SLC9A2: variants seen among roughly 807,000 people sequenced by gnomAD.
SLC9A2 encodes the protein solute carrier family 9 member A2.
Under a neutral mutation model 71.7 loss-of-function variants are expected in SLC9A2, and 42 were observed. That is an observed-to-expected ratio of 0.59 (90% confidence interval 0.46 to 0.76). The LOEUF (loss-of-function observed/expected upper bound fraction) is 0.76. Ranked by LOEUF, SLC9A2 falls within the 30% of genes least tolerant of loss-of-function variation. The pLI is 0.00. For missense variants in SLC9A2, 829 were observed against 1,017.4 expected (o/e 0.81, Z 2.52); for synonymous variants, 396 against 392.5 (o/e 1.01, Z -0.10).
At chr2:102,684,706 G>A (rs1007673767) in intron 5 of SLC9A2, among the ~76,000 whole-genome samples, 9 of 152,264 alleles carry the variant, frequency 5.9e-5, no homozygotes, top group Admixed American at 4.6e-4. Context: ...TGACTGCCTC[G>A]CGGTGACTCC....
chr2:102,684,285 A>G lies in SLC9A2; in HGVS notation c.1374A>G (p.Lys458=). ...CTGCTGCTGTGTTTCCTCGGAAAAA[A>G]TTGTTTATTACGGCTGCCATTGTTG... is the stretch of plus-strand genomic sequence containing the variant. ...LLPAAVFPRK[K]LFITAAIVVI... is the part of the protein sequence containing the mutation. The change falls in exon 5 of 12, where the codon AAA becomes AAG. Residue 458 remains lysine (K), a synonymous_variant. Coordinates refer to ENST00000233969, the MANE Select transcript of SLC9A2 (RefSeq NM_003048.6). The G allele has an allele frequency of 6.2e-7, 1 of 1,614,080 alleles. No individual in the cohort carries two copies. Among genetic ancestry groups the G allele is most frequent in the South Asian group, 1.1e-5 (1 of 91,066 alleles).
chr2:102,676,077 A>T (rs1677341017), intron 3 of SLC9A2, among the ~76,000 whole-genome samples: 1 of 152,236 alleles, frequency 6.6e-6, no homozygotes, highest in African/African-American at 2.4e-5. Flanking sequence ...AAGAACTTCC[A>T]GAAAGCAGCA....
At chr2:102,625,369 G>T (rs976017329) in intron 1 of SLC9A2, among the ~76,000 whole-genome samples, 3 of 151,956 alleles carry the variant, frequency 2.0e-5, no homozygotes, top group Non-Finnish European at 2.9e-5. Flanking sequence ...TGTGCACAAC[G>T]TGCAGGTTTG....
intron 5 of SLC9A2, among the ~76,000 whole-genome samples, chr2:102,692,527 A>G (rs888608284): frequency 1.3e-5 from 2 of 152,144 alleles, no homozygotes; most frequent in African/African-American, 4.8e-5. Flanking sequence ...AGTAGTGGCC[A>G]TCTGCCCACC....
intron 3 of SLC9A2, among the ~76,000 whole-genome samples, chr2:102,682,501 C>T (rs558036464): frequency 4.1e-4 from 62 of 152,250 alleles, no homozygotes; most frequent in African/African-American, 1.5e-3. Flanking sequence ...TGGAGCCCTT[C>T]CTTTTCTCCA....
At chr2:102,679,442 C>T (rs954020851) in intron 3 of SLC9A2, among the ~76,000 whole-genome samples, 3 of 150,814 alleles carry the variant, frequency 2.0e-5, no homozygotes, top group East Asian at 1.9e-4. Flanking sequence ...AGTGCAGTGG[C>T]GCGATCTCAG....
intron 7 of SLC9A2, among the ~76,000 whole-genome samples, chr2:102,700,197 C>T (rs1477279931): frequency 2.6e-5 from 4 of 152,088 alleles, no homozygotes; most frequent in Non-Finnish European, 4.4e-5. Context: ...TTGGGATGCC[C>T]CATAGATATC....
rs137906470 is a variant in SLC9A2, at chr2:102,620,079, C to T, written c.231C>T (p.His77=). Residue 77 remains histidine, a synonymous_variant, in exon 1 of 12, where the codon CAC becomes CAT. Coordinates refer to ENST00000233969, the MANE Select transcript of SLC9A2 (RefSeq NM_003048.6). ...RLPVFTLDYP[H]VQIPFEITLW... ...CTGTGTTTACGCTGGATTACCCCCA[C>T]GTGCAGATCCCCTTCGAGATCACCC... 1.2e-6 allele frequency: 2 copies of T among 1,613,794 alleles called. No homozygotes were observed. Among genetic ancestry groups the T allele is most frequent in the Non-Finnish European group, 1.7e-6 (2 of 1,179,916 alleles).
At chr2:102,680,922 C>T (rs1487442147) in intron 3 of SLC9A2, among the ~76,000 whole-genome samples, 1 of 151,982 alleles carries the variant, frequency 6.6e-6, no homozygotes, top group African/African-American at 2.4e-5. Context: ...GCAGGGGGGC[C>T]TCTAGAAACT....
At chr2:102,696,559 C>T (rs10173702) in intron 7 of SLC9A2, among the ~76,000 whole-genome samples, 120,471 of 152,084 alleles carry the variant, frequency 0.79, 47,853 homozygotes, top group Admixed American at 0.82. Flanking sequence ...TGTAGTATCA[C>T]AGACACAACA....
chr2:102,685,124 C>A (rs1244108383), intron 5 of SLC9A2, among the ~76,000 whole-genome samples: 1 of 152,184 alleles, frequency 6.6e-6, no homozygotes, highest in African/African-American at 2.4e-5. Flanking sequence ...TGAAAGGGAA[C>A]AGCGAGAAAA....
intron 1 of SLC9A2, among the ~76,000 whole-genome samples, chr2:102,651,316 C>A (rs1676829673): frequency 6.6e-6 from 1 of 152,214 alleles, no homozygotes. Context: ...AAATAACCAA[C>A]TTCTGTCCCA....
intron 1 of SLC9A2, among the ~76,000 whole-genome samples, chr2:102,653,330 TA>T (rs1676871501): frequency 6.6e-6 from 1 of 152,208 alleles, no homozygotes; most frequent in Non-Finnish European, 1.5e-5. Context: ...GAAACCATCT[TA>T]TTTTTTTCAA....
In SLC9A2 at chr2:102,689,711, G is replaced by T. The variant is rs538117091; in HGVS notation, c.1426-4703G>T. The T allele has an allele frequency of 9.2e-5, 14 of 152,282 alleles. No individual in the cohort carries two copies. In the South Asian group the frequency reaches 2.9e-3, roughly 32 times the overall value. 9.4% of individuals were successfully genotyped at this position (152,282 alleles called of 1,614,324 possible). ...GCTTTTTTAAGATGGAACAATGTAG[G>T]TGAAAAGTTTAGGATATGAGAAGAA... is the stretch of plus-strand genomic sequence containing the variant. On this transcript the variant is annotated intron_variant, in intron 5 of 11. Transcript: ENST00000233969.
chr2:102,677,835 T>A (rs1677370810), intron 3 of SLC9A2, among the ~76,000 whole-genome samples: 1 of 152,194 alleles, frequency 6.6e-6, no homozygotes, highest in Non-Finnish European at 1.5e-5. Flanking sequence ...TCCTAAGCAT[T>A]AAGTATAACA....
At chr2:102,671,296 C>G (rs1245372104) in intron 3 of SLC9A2, among the ~76,000 whole-genome samples, 4 of 152,146 alleles carry the variant, frequency 2.6e-5, no homozygotes, top group African/African-American at 7.2e-5. Flanking sequence ...TCACTGATAG[C>G]TCTGACTGGC....
At position 102,708,898 on chromosome 2, in the gene SLC9A2, A is replaced by G. The variant is rs1678042045; in HGVS notation, c.*409A>G. 1 of 174,662 alleles carries G rather than the reference A, an allele frequency of 5.7e-6. No individual in the cohort carries two copies. The highest frequency in any genetic ancestry group is 1.2e-5 in the Non-Finnish European group (1 of 82,026). The allele number at this position is 174,662 out of a possible 1,614,324, so 10.8% of individuals were successfully genotyped here. A position where few individuals can be genotyped will look rare whatever the true frequency, so the allele number is the denominator to read the frequency against. ...AATCAGTTGTTAAGTGAATGGCACT[A>G]AAAGTATCGAGAACAGCTTTCTTTC... On this transcript the variant is annotated 3_prime_UTR_variant, in exon 12 of 12. Coordinates refer to ENST00000233969, the MANE Select transcript of SLC9A2 (RefSeq NM_003048.6).
At chr2:102,698,213 C>G (rs1305357007) in intron 7 of SLC9A2, among the ~76,000 whole-genome samples, 1 of 152,176 alleles carries the variant, frequency 6.6e-6, no homozygotes. Flanking sequence ...AAAGTAAACC[C>G]AGTCCTTAGT....
intron 4 of SLC9A2, among the ~76,000 whole-genome samples, 169 bp downstream of exon 4, chr2:102,683,647 T>C (rs564086906): frequency 6.6e-6 from 1 of 152,230 alleles, no homozygotes; most frequent in Non-Finnish European, 1.5e-5. Context: ...CCTTTACTTT[T>C]TTCTCTCCTA....
Sources: allele counts gnomAD v4.1 joint callset (sites outside exome capture counted in the v4.1 genomes callset), GRCh38; gene constraint gnomAD v4.1.1; transcripts MANE v1.5; gene names NCBI Gene and HGNC (gene_info 2026-07-23, HGNC 2026-07-21).